GPC6: variants seen among roughly 807,000 people sequenced by gnomAD.
The protein encoded by GPC6 is glypican 6.
In GPC6, 14 loss-of-function variants were observed where a neutral mutation model predicts 55.2. The observed-to-expected ratio is 0.25, with a 90% CI of 0.17 to 0.40. The LOEUF (loss-of-function observed/expected upper bound fraction) is 0.40. Ranked by LOEUF, GPC6 falls within the 10% of genes least tolerant of loss-of-function variation. GPC6 has a pLI of 1.00. For missense variants in GPC6, 641 were observed against 708.5 expected (o/e 0.90, Z 1.08); for synonymous variants, 278 against 259.6 (o/e 1.07, Z -0.68).
intron 1 of GPC6, among the ~76,000 whole-genome samples, chr13:93,374,067 G>T (rs553870528): frequency 6.6e-6 from 1 of 152,206 alleles, no homozygotes; most frequent in South Asian, 2.1e-4. Flanking sequence ...ATCACCTAGG[G>T]ATCTTTTAGA....
chr13:93,623,583 C>A (rs2139560936), intron 2 of GPC6, among the ~76,000 whole-genome samples: 1 of 151,526 alleles, frequency 6.6e-6, no homozygotes, highest in Non-Finnish European at 1.5e-5. Context: ...CTCAGCCTCC[C>A]AAGTAGTTGG....
At chr13:93,509,102 G>A (rs1439230876) in intron 1 of GPC6, among the ~76,000 whole-genome samples, 1 of 152,122 alleles carries the variant, frequency 6.6e-6, no homozygotes, top group Non-Finnish European at 1.5e-5. Flanking sequence ...CAGTTGGGGT[G>A]AACAGAAGAG....
intron 2 of GPC6, among the ~76,000 whole-genome samples, chr13:93,680,110 T>C (rs1429716620): frequency 6.6e-6 from 1 of 152,150 alleles, no homozygotes; most frequent in East Asian, 1.9e-4. Context: ...AGAATGTGAT[T>C]TTATCTGGAG....
At chr13:93,583,767 T>A (rs565647750) in intron 2 of GPC6, among the ~76,000 whole-genome samples, 3 of 152,120 alleles carry the variant, frequency 2.0e-5, no homozygotes, top group East Asian at 3.9e-4. Flanking sequence ...GCTAAGAAAG[T>A]ATATTATATA....
intron 6 of GPC6, among the ~76,000 whole-genome samples, chr13:94,359,223 G>A (rs1223663915): frequency 6.6e-6 from 1 of 152,162 alleles, no homozygotes; most frequent in Non-Finnish European, 1.5e-5. Context: ...GAAAAAGAAG[G>A]TCGGTTTTCC....
At chr13:93,382,685 A>G (rs1246896113) in intron 1 of GPC6, among the ~76,000 whole-genome samples, 1 of 152,230 alleles carries the variant, frequency 6.6e-6, no homozygotes, top group Non-Finnish European at 1.5e-5. Context: ...CATCTTGAAA[A>G]TTGACATTAT....
At chr13:93,328,033 A>G (rs1031865409) in intron 1 of GPC6, among the ~76,000 whole-genome samples, 1 of 151,890 alleles carries the variant, frequency 6.6e-6, no homozygotes, top group African/African-American at 2.4e-5. Context: ...TATATTTTTT[A>G]TTTTTTTCCT....
chr13:94,251,616 C>T (rs1346890101), intron 4 of GPC6, among the ~76,000 whole-genome samples: 1 of 151,914 alleles, frequency 6.6e-6, no homozygotes, highest in East Asian at 1.9e-4. Flanking sequence ...ATTAAGGGTG[C>T]CGTTGTCACG....
At chr13:93,321,790 A>G (rs1373025600) in intron 1 of GPC6, among the ~76,000 whole-genome samples, 1 of 152,198 alleles carries the variant, frequency 6.6e-6, no homozygotes, top group Non-Finnish European at 1.5e-5. Flanking sequence ...ACTAGACAAC[A>G]AAATACAAGT....
intron 1 of GPC6, among the ~76,000 whole-genome samples, chr13:93,319,033 C>T (rs1879338645): frequency 1.3e-5 from 2 of 152,054 alleles, no homozygotes; most frequent in Non-Finnish European, 2.9e-5. Flanking sequence ...TCACAATACA[C>T]AGTGAGATAT....
intron 2 of GPC6, among the ~76,000 whole-genome samples, chr13:93,677,692 T>C (rs1881689515): frequency 6.6e-6 from 1 of 152,130 alleles, no homozygotes; most frequent in Admixed American, 6.6e-5. Context: ...CTGTCTGTCA[T>C]TAATTATTGG....
chr13:93,743,080 G>C (rs564254723), intron 2 of GPC6, among the ~76,000 whole-genome samples: 1 of 152,192 alleles, frequency 6.6e-6, no homozygotes, highest in Non-Finnish European at 1.5e-5. Context: ...GTGATTTAGA[G>C]AAATGGTGGT....
chr13:93,389,341 C>CA (rs374435407), intron 1 of GPC6, among the ~76,000 whole-genome samples: 16,036 of 147,016 alleles, frequency 0.11, 944 homozygotes, highest in African/African-American at 0.13. Flanking sequence ...ACTAAAAATA[C>CA]AAAAAAAAAA....
At chr13:94,156,960 A>C (rs2138906171) in intron 4 of GPC6, among the ~76,000 whole-genome samples, 1 of 152,286 alleles carries the variant, frequency 6.6e-6, no homozygotes, top group African/African-American at 2.4e-5. Flanking sequence ...AGTGTAATTC[A>C]ATTCAGTTTT....
chr13:93,574,988 T>C (rs1350719221), intron 2 of GPC6, among the ~76,000 whole-genome samples: 2 of 152,068 alleles, frequency 1.3e-5, no homozygotes, highest in Non-Finnish European at 1.5e-5. Flanking sequence ...AAAAAGAAAG[T>C]GTTCAATGAA....
At chr13:93,676,758 T>C (rs1278105860) in intron 2 of GPC6, among the ~76,000 whole-genome samples, 1 of 152,202 alleles carries the variant, frequency 6.6e-6, no homozygotes, top group Non-Finnish European at 1.5e-5. Flanking sequence ...TTGGCTCATG[T>C]ACTACCTTTG....
At chr13:93,660,362 C>A (rs188734894) in intron 2 of GPC6, among the ~76,000 whole-genome samples, 1 of 152,070 alleles carries the variant, frequency 6.6e-6, no homozygotes, top group African/African-American at 2.4e-5. Flanking sequence ...TTTAGCTTCT[C>A]GCAGAAGGTC....
At chr13:93,621,753 T>C (rs1049059840) in intron 2 of GPC6, among the ~76,000 whole-genome samples, 1 of 152,186 alleles carries the variant, frequency 6.6e-6, no homozygotes, top group African/African-American at 2.4e-5. Context: ...CAAATATGTG[T>C]ACATATTTAT....
At chr13:94,364,528 T>C (rs775630163) in intron 6 of GPC6, among the ~76,000 whole-genome samples, 2 of 152,222 alleles carry the variant, frequency 1.3e-5, no homozygotes, top group Non-Finnish European at 2.9e-5. Flanking sequence ...GCCCTAGCAA[T>C]GTATGAACTT....
Sources: allele counts gnomAD v4.1 joint callset (sites outside exome capture counted in the v4.1 genomes callset), GRCh38; gene constraint gnomAD v4.1.1; transcripts MANE v1.5; gene names NCBI Gene and HGNC (gene_info 2026-07-23, HGNC 2026-07-21).